Variants in LRCH1 observed in about 807,000 individuals in gnomAD.
LRCH1 encodes leucine rich repeats and calponin homology domain containing 1, also known as leucine-rich repeat and calponin homology domain-containing protein 1.
In LRCH1, 23 loss-of-function variants were observed where a neutral mutation model predicts 94.9. The observed-to-expected ratio is 0.24, with a 90% confidence interval of 0.17 to 0.34. The LOEUF (loss-of-function observed/expected upper bound fraction) is 0.34, where lower values mean the gene tolerates loss of function less well. Among genes scored for constraint, LRCH1 ranks in the 10% least tolerant of loss-of-function variants. LRCH1 has a pLI of 1.00. For missense variants in LRCH1, 790 were observed against 945.9 expected (o/e 0.84, Z 2.16); for synonymous variants, 364 against 354.9 (o/e 1.03, Z -0.29).
intron 16 of LRCH1, among the ~76,000 whole-genome samples, chr13:46,721,305 C>T (rs1319340180): frequency 6.6e-6 from 1 of 152,150 alleles, no homozygotes; most frequent in Non-Finnish European, 1.5e-5. Context: ...CCAAAGAAAA[C>T]ATTCGATGTG....
chr13:46,660,592 G>C (rs527342219), intron 2 of LRCH1, among the ~76,000 whole-genome samples: 26 of 152,256 alleles, frequency 1.7e-4, no homozygotes, highest in African/African-American at 5.3e-4. Context: ...GAAAATAATC[G>C]ACTTCTTTTC....
chr13:46,742,492 C>G lies in LRCH1; in HGVS notation c.*644C>G. The G allele has an allele frequency of 1.0e-6, 1 of 986,150 alleles. No individual in the cohort carries two copies. The allele number at this position is 986,150 out of a possible 1,614,324, so 61.1% of individuals were successfully genotyped here. ...CGCTGGGCAGTGTGGCCGCCAACTT[C>G]CACCCCGGCAAGCCCCTCTGTCCTA... On this transcript the variant is annotated 3_prime_UTR_variant, in exon 20 of 20. Transcript: ENST00000389797.
intron 1 of LRCH1, among the ~76,000 whole-genome samples, chr13:46,590,980 T>C (rs541947606): frequency 5.3e-5 from 8 of 152,156 alleles, no homozygotes; most frequent in South Asian, 4.2e-4. Flanking sequence ...TGGCTTTTTT[T>C]TTTCCCCCTG....
intron 1 of LRCH1, among the ~76,000 whole-genome samples, chr13:46,631,637 G>T (rs1022654584): frequency 6.6e-6 from 1 of 151,728 alleles, no homozygotes; most frequent in Non-Finnish European, 1.5e-5. Context: ...AACCTACCTG[G>T]AATTTAGTTT....
intron 1 of LRCH1, among the ~76,000 whole-genome samples, chr13:46,565,111 G>C (rs1404742986): frequency 6.6e-6 from 1 of 152,186 alleles, no homozygotes; most frequent in Non-Finnish European, 1.5e-5. Flanking sequence ...GAATTATTGT[G>C]AGGAACAAAT....
At chr13:46,737,794 T>C (rs1036932501) in intron 19 of LRCH1, among the ~76,000 whole-genome samples, 16 of 152,364 alleles carry the variant, frequency 1.1e-4, no homozygotes, top group African/African-American at 3.6e-4. Context: ...ATTGGCTACA[T>C]GTTCCTGGTA....
chr13:46,702,540 T>A (rs985041453), intron 11 of LRCH1, among the ~76,000 whole-genome samples: 8 of 152,046 alleles, frequency 5.3e-5, no homozygotes, highest in Non-Finnish European at 1.2e-4. Flanking sequence ...AATAAATAAC[T>A]GTAATTGATT....
At position 46,653,181 on chromosome 13, in the gene LRCH1, C is replaced by T. The variant is rs144251846; in HGVS notation, c.452+2836C>T. 3.1e-3 allele frequency among the ~76,000 whole-genome samples: 466 copies of T among 152,274 alleles called. 8 individuals carry two copies. Among genetic ancestry groups the T allele is most frequent in the African/African-American group, 0.011 (444 of 41,548 alleles). On this transcript the variant is annotated intron_variant, in intron 2 of 19. Coordinates refer to ENST00000389797, the MANE Select transcript of LRCH1 (RefSeq NM_001164211.2). Reference sequence around the variant, plus strand: ...TAGGAAGAGGCTGTTAAGCATCTAACTCTTCAAATATGGTTTACAGTCTGT... The same window carrying T: ...TAGGAAGAGGCTGTTAAGCATCTAATTCTTCAAATATGGTTTACAGTCTGT...
intron 3 of LRCH1, among the ~76,000 whole-genome samples, chr13:46,676,851 C>G (rs1214662967): frequency 6.6e-6 from 1 of 152,140 alleles, no homozygotes. Flanking sequence ...GGTCACAGCT[C>G]ACTGCAGCCT....
At chr13:46,679,001 T>C (rs1247119787) in intron 3 of LRCH1, among the ~76,000 whole-genome samples, 1 of 152,268 alleles carries the variant, frequency 6.6e-6, no homozygotes, top group Admixed American at 6.5e-5. Context: ...CTTTGAAGCT[T>C]CTGGAAATTG....
At chr13:46,660,017 G>C (rs1167484353) in intron 2 of LRCH1, among the ~76,000 whole-genome samples, 2 of 144,858 alleles carry the variant, frequency 1.4e-5, no homozygotes, top group Non-Finnish European at 3.0e-5. Flanking sequence ...CTCACTTTCT[G>C]TATTCCTTAG....
At chr13:46,741,586 G>A in intron 19 of LRCH1, 56 bp from the exon 20 acceptor site, 1 of 1,606,256 alleles carries the variant, frequency 6.2e-7, no homozygotes, top group Non-Finnish European at 8.5e-7. Context: ...GTTCCTCCGT[G>A]TATTTTTAAT....
At chr13:46,621,143 T>C (rs2050875576) in intron 1 of LRCH1, among the ~76,000 whole-genome samples, 1 of 152,254 alleles carries the variant, frequency 6.6e-6, no homozygotes, top group Non-Finnish European at 1.5e-5. Context: ...CTCTCTAACA[T>C]GCGTTCCGCT....
intron 18 of LRCH1, among the ~76,000 whole-genome samples, chr13:46,730,749 C>T (rs1321116111): frequency 1.3e-5 from 2 of 152,078 alleles, no homozygotes; most frequent in Non-Finnish European, 2.9e-5. Context: ...TCCAAACTGC[C>T]GTAAAGTCAT....
intron 1 of LRCH1, among the ~76,000 whole-genome samples, chr13:46,639,845 T>C (rs4942564): frequency 0.71 from 108,101 of 152,128 alleles, 38,463 homozygotes; most frequent in Middle Eastern, 0.76. Context: ...TTTATTCCCA[T>C]ACTTCTCTCT....
chr13:46,742,382 T>A lies in LRCH1; in HGVS notation c.*534T>A. ...TTTAATAATACCACTACTGACCAAG[T>A]TGGACGTGTACACGTACTCACACTG... On this transcript the variant is annotated 3_prime_UTR_variant, in exon 20 of 20. Coordinates refer to ENST00000389797, the MANE Select transcript of LRCH1 (RefSeq NM_001164211.2). 1 of 993,296 alleles carries A rather than the reference T, an allele frequency of 1.0e-6. No homozygotes were observed. Among genetic ancestry groups the A allele is most frequent in the Non-Finnish European group, 1.2e-6 (1 of 834,448 alleles). 61.5% of individuals were successfully genotyped at this position (993,296 alleles called of 1,614,324 possible). A position where few individuals can be genotyped will look rare whatever the true frequency, so the allele number is the denominator to read the frequency against.
intron 1 of LRCH1, among the ~76,000 whole-genome samples, chr13:46,618,347 A>C (rs1311210800): frequency 6.6e-6 from 1 of 152,232 alleles, no homozygotes; most frequent in Non-Finnish European, 1.5e-5. Flanking sequence ...AAAATGGTAC[A>C]CCTTTACAGG....
intron 18 of LRCH1, chr13:46,750,496 G>C (rs996282946): frequency 7.5e-7 from 1 of 1,337,504 alleles, no homozygotes; most frequent in East Asian, 2.5e-5. Flanking sequence ...TACAATGAGA[G>C]TACAATCATC....
intron 9 of LRCH1, among the ~76,000 whole-genome samples, chr13:46,697,449 C>T (rs768144890): frequency 1.1e-4 from 16 of 152,190 alleles, no homozygotes; most frequent in Non-Finnish European, 1.8e-4. Flanking sequence ...GTCTAACACA[C>T]GTATTGTCCT....
Sources: gnomAD v4.1 joint callset for allele counts (sites outside exome capture counted in the v4.1 genomes callset) on GRCh38, gnomAD v4.1.1 for gene constraint, MANE v1.5 for transcripts, NCBI Gene and HGNC (gene_info 2026-07-23, HGNC 2026-07-21) for gene names.